Variants in SRPK2 observed in about 807,000 individuals in gnomAD.
The protein encoded by SRPK2 is SFRS protein kinase 2.
Under a neutral mutation model 90.8 loss-of-function variants are expected in SRPK2, and 21 were observed. That is an observed-to-expected ratio of 0.23 (90% CI 0.16 to 0.33). SRPK2 has a LOEUF of 0.33. SRPK2 is among the 10% of genes least tolerant of loss of function. SRPK2 has a pLI of 1.00. For missense variants in SRPK2, 620 were observed against 869.0 expected (o/e 0.71, Z 3.60); for synonymous variants, 288 against 311.1 (o/e 0.93, Z 0.78).
chr7:105,317,472 C>T (rs1334001971), intron 2 of SRPK2, among the ~76,000 whole-genome samples: 1 of 152,150 alleles, frequency 6.6e-6, no homozygotes, highest in Admixed American at 6.5e-5. Flanking sequence ...ATTTTATTTG[C>T]TTTTTCCAGC....
chr7:105,346,769 G>A (rs746540204), intron 2 of SRPK2, among the ~76,000 whole-genome samples: 5 of 147,224 alleles, frequency 3.4e-5, no homozygotes, highest in Non-Finnish European at 7.4e-5. Flanking sequence ...AAAAAAACAA[G>A]CAACAACAAC....
intron 9 of SRPK2, 62 bp from the exon 10 acceptor site, chr7:105,143,392 G>A (rs549809815): frequency 2.8e-5 from 44 of 1,557,078 alleles, no homozygotes; most frequent in Non-Finnish European, 3.5e-5. Context: ...ATAGTATAAC[G>A]ACTAGCAGCA....
At chr7:105,209,560 T>C (rs958067682) in intron 2 of SRPK2, among the ~76,000 whole-genome samples, 1 of 65,248 alleles carries the variant, frequency 1.5e-5, no homozygotes, top group Non-Finnish European at 3.1e-5. Flanking sequence ...AAGAAGAAAA[T>C]AGAAAAGGAA....
chr7:105,141,604 A>G (rs1411233381), intron 11 of SRPK2, among the ~76,000 whole-genome samples: 1 of 152,210 alleles, frequency 6.6e-6, no homozygotes, highest in Non-Finnish European at 1.5e-5. Flanking sequence ...ATAGAGTCAA[A>G]GAGGAGGCAT....
chr7:105,277,718 C>A (rs1316515240), intron 2 of SRPK2, among the ~76,000 whole-genome samples: 1 of 152,154 alleles, frequency 6.6e-6, no homozygotes, highest in Admixed American at 6.5e-5. Context: ...CATTGGTAAA[C>A]TGAACATTCA....
At chr7:105,359,749 C>T (rs982212805) in intron 2 of SRPK2, among the ~76,000 whole-genome samples, 9 of 152,188 alleles carry the variant, frequency 5.9e-5, no homozygotes, top group African/African-American at 2.2e-4. Flanking sequence ...CCAACCCCCA[C>T]CTTTTTTGCC....
intron 2 of SRPK2, among the ~76,000 whole-genome samples, chr7:105,224,331 T>TGG (rs1371059324): frequency 6.6e-6 from 1 of 152,122 alleles, no homozygotes; most frequent in Non-Finnish European, 1.5e-5. Flanking sequence ...AATTTTAAGG[T>TGG]GGGTGCAGTG....
intron 2 of SRPK2, among the ~76,000 whole-genome samples, chr7:105,221,369 C>G (rs942442102): frequency 1.3e-5 from 2 of 152,152 alleles, no homozygotes; most frequent in Non-Finnish European, 2.9e-5. Flanking sequence ...TGGCTTTGAG[C>G]GAGTGATACC....
intron 2 of SRPK2, among the ~76,000 whole-genome samples, chr7:105,290,169 C>G (rs1451687390): frequency 6.8e-6 from 1 of 147,016 alleles, no homozygotes. Flanking sequence ...TCAAGAATTA[C>G]CAAACTAACA....
At chr7:105,277,208 C>G (rs1043183288) in intron 2 of SRPK2, among the ~76,000 whole-genome samples, 7 of 152,028 alleles carry the variant, frequency 4.6e-5, no homozygotes, top group Admixed American at 1.3e-4. Context: ...TCCCGAGTAG[C>G]TGGGACTACA....
intron 2 of SRPK2, among the ~76,000 whole-genome samples, chr7:105,327,090 A>T (rs2131624119): frequency 6.6e-6 from 1 of 151,404 alleles, no homozygotes; most frequent in East Asian, 2.0e-4. Context: ...AAAAAAATTC[A>T]AGGTATAAGC....
At chr7:105,300,133 G>A (rs1415833536) in intron 2 of SRPK2, among the ~76,000 whole-genome samples, 2 of 151,098 alleles carry the variant, frequency 1.3e-5, no homozygotes, top group Non-Finnish European at 2.9e-5. Context: ...TGCATCTGTA[G>A]GCCCCGCTAC....
intron 2 of SRPK2, among the ~76,000 whole-genome samples, chr7:105,289,970 AGAG>A (rs938475868): frequency 5.3e-5 from 8 of 151,998 alleles, no homozygotes; most frequent in African/African-American, 1.9e-4. Flanking sequence ...GGAAGGCCAA[AGAG>A]GAGGGAGAGA....
At chr7:105,184,711 T>C (rs1234590086) in intron 3 of SRPK2, among the ~76,000 whole-genome samples, 3 of 152,206 alleles carry the variant, frequency 2.0e-5, no homozygotes, top group South Asian at 2.1e-4. Flanking sequence ...TGTAAAATAT[T>C]TGACTGACAT....
intron 15 of SRPK2, among the ~76,000 whole-genome samples, chr7:105,121,589 C>G (rs1479265581): frequency 6.6e-6 from 1 of 152,166 alleles, no homozygotes; most frequent in Non-Finnish European, 1.5e-5. Flanking sequence ...AAACATGAGC[C>G]TGGCAGCCAA....
intron 3 of SRPK2, among the ~76,000 whole-genome samples, chr7:105,185,251 A>T (rs576581688): frequency 5.9e-5 from 9 of 152,050 alleles, no homozygotes; most frequent in East Asian, 5.8e-4. Context: ...AGAAAAAATT[A>T]AAAAAAGAGA....
chr7:105,203,530 T>C (rs942727113), intron 3 of SRPK2, 98 bp downstream of exon 3: 34 of 1,326,922 alleles, frequency 2.6e-5, no homozygotes, highest in Non-Finnish European at 3.3e-5. Context: ...ACCAAGCAAT[T>C]TGCATCACTA....
chr7:105,397,874 C>T (rs1474087646), intron 1 of SRPK2, among the ~76,000 whole-genome samples: 1 of 152,122 alleles, frequency 6.6e-6, no homozygotes, highest in Non-Finnish European at 1.5e-5. Context: ...TCTTGAACTC[C>T]TGACCTCAAG....
rs1051331113 is a variant in SRPK2 at position 105,146,384 on chromosome 7, T to C, written c.787+109A>G. On this transcript the variant is annotated intron_variant, in intron 8 of 15. Coordinates refer to ENST00000393651, the MANE Select transcript of SRPK2 (RefSeq NM_182692.3). The stretch of plus-strand genomic sequence containing the variant: ...CAGTTATTTCCAGCAATTAAACTTT[T>C]CCAAAATCTTCCTTATGTGTAACGT... 1.0e-5 allele frequency: 12 copies of C among 1,146,474 alleles called. No individual in the cohort carries two copies. In the Admixed American group the frequency reaches 2.3e-4, roughly 22 times the overall value. The allele number at this position is 1,146,474 out of a possible 1,614,324, so 71.0% of individuals were successfully genotyped here. A position where few individuals can be genotyped will look rare whatever the true frequency, so the allele number is the denominator to read the frequency against.
Sources: allele counts gnomAD v4.1 joint callset (sites outside exome capture counted in the v4.1 genomes callset), GRCh38; gene constraint gnomAD v4.1.1; transcripts MANE v1.5; gene names NCBI Gene and HGNC (gene_info 2026-07-23, HGNC 2026-07-21).